Variants in HIVEP2 observed in about 807,000 individuals in gnomAD.
The protein encoded by HIVEP2 is HIVEP zinc finger 2, also known as transcription factor HIVEP2.
In HIVEP2, 14 loss-of-function variants were observed where a neutral mutation model predicts 180.7. The observed-to-expected ratio is 0.08, with a 90% CI of 0.05 to 0.12. The LOEUF is 0.12. Ranked by LOEUF, HIVEP2 falls within the 10% of genes least tolerant of loss-of-function variation. HIVEP2 has a pLI of 1.00. For synonymous variants in HIVEP2, 1,184 were observed against 1,136.4 expected (o/e 1.04, Z -0.84); for missense variants, 2,579 against 3,008.5 (o/e 0.86, Z 3.34).
At chr6:142,856,877 C>G (rs954893820) in intron 1 of HIVEP2, among the ~76,000 whole-genome samples, 3 of 152,236 alleles carry the variant, frequency 2.0e-5, no homozygotes, top group Non-Finnish European at 4.4e-5. Context: ...ACCTCAGTGA[C>G]TGGTCCGAGA....
At chr6:142,806,089 G>A (rs1392708500) in intron 2 of HIVEP2, among the ~76,000 whole-genome samples, 1 of 152,090 alleles carries the variant, frequency 6.6e-6, no homozygotes, top group Non-Finnish European at 1.5e-5. Context: ...ACCAATACCT[G>A]TACTGAGTAT....
At chr6:142,898,736 T>C (rs1777060308) in intron 1 of HIVEP2, among the ~76,000 whole-genome samples, 1 of 152,150 alleles carries the variant, frequency 6.6e-6, no homozygotes, top group South Asian at 2.1e-4. Flanking sequence ...TCATCTTCCT[T>C]ATCCTGAGCA....
chr6:142,877,204 G>A (rs902697578), intron 1 of HIVEP2, among the ~76,000 whole-genome samples: 7 of 151,812 alleles, frequency 4.6e-5, no homozygotes, highest in African/African-American at 1.5e-4. Context: ...AGTCTTATTG[G>A]CCATCTTCAC....
chr6:142,854,819 T>C (rs1291252052), intron 1 of HIVEP2, among the ~76,000 whole-genome samples: 1 of 152,066 alleles, frequency 6.6e-6, no homozygotes, highest in Non-Finnish European at 1.5e-5. Context: ...GTTCCTGAAA[T>C]GCTCGCAGCC....
chr6:142,929,906 T>C (rs1433330431), intron 1 of HIVEP2, among the ~76,000 whole-genome samples: 1 of 152,210 alleles, frequency 6.6e-6, no homozygotes, highest in Non-Finnish European at 1.5e-5. Flanking sequence ...AGACTGTATC[T>C]GACAGGCTGA....
chr6:142,871,802 T>C (rs1403235640), intron 1 of HIVEP2, among the ~76,000 whole-genome samples: 1 of 152,162 alleles, frequency 6.6e-6, no homozygotes, highest in Non-Finnish European at 1.5e-5. Flanking sequence ...GGGACTCAAC[T>C]AAGGCATGAA....
intron 1 of HIVEP2, among the ~76,000 whole-genome samples, chr6:142,913,303 A>T (rs1002529092): frequency 1.3e-5 from 2 of 152,226 alleles, no homozygotes; most frequent in Non-Finnish European, 2.9e-5. Flanking sequence ...CATTTCCTTC[A>T]TGCTATCATT....
intron 1 of HIVEP2, among the ~76,000 whole-genome samples, chr6:142,866,033 T>C (rs1408075922): frequency 2.6e-5 from 4 of 152,164 alleles, no homozygotes; most frequent in African/African-American, 2.4e-5. Flanking sequence ...GGCTTTGAGT[T>C]CCTCATTTGT....
chr6:142,941,764 C>G (rs572034213), intron 1 of HIVEP2, among the ~76,000 whole-genome samples: 1 of 152,164 alleles, frequency 6.6e-6, no homozygotes, highest in East Asian at 1.9e-4. Flanking sequence ...AGTTAAATAC[C>G]AAGTTTTAGC....
chr6:142,779,330 AC>A (rs1480117040), intron 3 of HIVEP2, among the ~76,000 whole-genome samples: 1 of 152,128 alleles, frequency 6.6e-6, no homozygotes, highest in Non-Finnish European at 1.5e-5. Flanking sequence ...CAAAACATAA[AC>A]TTCAGGGGCT....
intron 2 of HIVEP2, among the ~76,000 whole-genome samples, chr6:142,810,909 G>A (rs577924171): frequency 6.6e-6 from 1 of 152,162 alleles, no homozygotes; most frequent in South Asian, 2.1e-4. Flanking sequence ...CAGTGGATAG[G>A]AAAGAGGATG....
intron 2 of HIVEP2, chr6:142,788,315 A>T (rs1481082644): frequency 2.7e-5 from 1 of 36,560 alleles, no homozygotes; most frequent in Admixed American, 1.4e-4. Context: ...AATAAAAAAA[A>T]ATCCCCCCCT....
At chr6:142,862,446 T>C (rs933308615) in intron 1 of HIVEP2, among the ~76,000 whole-genome samples, 2 of 114,632 alleles carry the variant, frequency 1.7e-5, no homozygotes, top group African/African-American at 6.1e-5. Context: ...TTATAATACA[T>C]ATAATCGATT....
chr6:142,944,519 G>A (rs945328465), intron 1 of HIVEP2, among the ~76,000 whole-genome samples: 2 of 152,136 alleles, frequency 1.3e-5, no homozygotes, highest in Non-Finnish European at 2.9e-5. Flanking sequence ...AAGGCGGGGG[G>A]TGGGGGTGAA....
In HIVEP2 at chr6:142,769,839, G is replaced by T. The variant is rs1163086521; in HGVS notation, c.4900C>A (p.Gln1634Lys). 6.2e-7 allele frequency: 1 copy of T among 1,614,180 alleles called. No homozygotes were observed. Among genetic ancestry groups the T allele is most frequent in the Admixed American group, 1.7e-5 (1 of 60,030 alleles). Residue 1634 changes from glutamine (Q) to lysine (K), a missense_variant, in exon 5 of 10, where the codon CAG (glutamine) becomes AAG (lysine). Physicochemically the swap from Gln to Lys is moderately conservative, Grantham distance 53 (BLOSUM62 1). Coordinates refer to ENST00000367603, the MANE Select transcript of HIVEP2 (RefSeq NM_006734.4). ...LLLTDMADFQ[Q>K]ILQFPSLRTT... ...CGCAGACTGGGGAACTGAAGAATCT[G>T]CTGGAAATCTGCCATGTCCGTGAGA...
chr6:142,919,578 T>C (rs1392827536), intron 1 of HIVEP2, among the ~76,000 whole-genome samples: 1 of 152,208 alleles, frequency 6.6e-6, no homozygotes, highest in Non-Finnish European at 1.5e-5. Flanking sequence ...ATGCAGTTTA[T>C]AATATGGGTA....
chr6:142,752,763 A>G lies in HIVEP2; in HGVS notation c.*344T>C, dbSNP rs1395512119. ...TTTAGATCCAAGTGTCCAAAAAAGG[A>G]AAGAAATTACATTTATTACAAAGCA... On this transcript the variant is annotated 3_prime_UTR_variant, in exon 10 of 10. Transcript: ENST00000367603. The G allele has an allele frequency of 4.7e-6, 1 of 213,422 alleles. No individual in the cohort carries two copies. Among genetic ancestry groups the G allele is most frequent in the Non-Finnish European group, 9.5e-6 (1 of 105,624 alleles). The allele number at this position is 213,422 out of a possible 1,614,324, so 13.2% of individuals were successfully genotyped here.
At chr6:142,756,337 A>T (rs556214012) in intron 9 of HIVEP2, among the ~76,000 whole-genome samples, 2 of 152,206 alleles carry the variant, frequency 1.3e-5, no homozygotes, top group Admixed American at 6.5e-5. Flanking sequence ...CTGCAGGGAG[A>T]GCATGGCTTT....
intron 2 of HIVEP2, among the ~76,000 whole-genome samples, chr6:142,802,137 C>T (rs950285677): frequency 2.0e-5 from 3 of 152,166 alleles, no homozygotes; most frequent in African/African-American, 7.2e-5. Context: ...AGATGGGTGG[C>T]TCCATACTGG....
Sources: gnomAD v4.1 joint callset for allele counts (sites outside exome capture counted in the v4.1 genomes callset) on GRCh38, gnomAD v4.1.1 for gene constraint, MANE v1.5 for transcripts, NCBI Gene and HGNC (gene_info 2026-07-23, HGNC 2026-07-21) for gene names.